ARHGAP15: variants seen among roughly 807,000 people sequenced by gnomAD.
ARHGAP15 encodes the protein Rho GTPase activating protein 15, also known as rho GTPase-activating protein 15.
ARHGAP15 carries 51 observed loss-of-function variants against 63.7 expected under a neutral mutation model. That is an observed-to-expected ratio of 0.80 (90% CI 0.64 to 1.01). The LOEUF (loss-of-function observed/expected upper bound fraction) is 1.01. ARHGAP15 is among the 50% of genes least tolerant of loss of function. The probability of loss-of-function intolerance (pLI) is 0.00; values close to 1 mark genes in which losing one functional copy is unlikely to be tolerated. For missense variants in ARHGAP15, 560 were observed against 564.6 expected (o/e 0.99, Z 0.08); for synonymous variants, 191 against 193.8 (o/e 0.99, Z 0.12).
At chr2:143,727,380 G>A (rs904304582) in intron 13 of ARHGAP15, among the ~76,000 whole-genome samples, 2 of 151,922 alleles carry the variant, frequency 1.3e-5, no homozygotes, top group African/African-American at 2.4e-5. Flanking sequence ...TACCTTATTC[G>A]GCCATATATC....
chr2:143,248,255 C>G (rs745440144), intron 5 of ARHGAP15, among the ~76,000 whole-genome samples: 2 of 152,044 alleles, frequency 1.3e-5, no homozygotes, highest in Non-Finnish European at 2.9e-5. Flanking sequence ...TAACTGGGAA[C>G]TGAAGGATAA....
chr2:143,371,812 G>GT lies in ARHGAP15; in HGVS notation c.475-63785dup, dbSNP rs538816573. 3.2e-4 allele frequency among the ~76,000 whole-genome samples: 49 copies of GT among 152,174 alleles called. No individual in the cohort carries two copies. The East Asian group carries it at 8.5e-3, about 26-fold the overall frequency. On this transcript the variant is annotated intron_variant, in intron 6 of 13. Transcript: ENST00000295095. ...CTTCTAGTACATAAGACTTCATTGA[G>GT]TTTTCAGTTTGTGCATTCCATTATC...
chr2:143,212,463 G>A (rs1692599368), intron 3 of ARHGAP15, among the ~76,000 whole-genome samples: 1 of 152,194 alleles, frequency 6.6e-6, no homozygotes, highest in Non-Finnish European at 1.5e-5. Context: ...GCCAGATTTA[G>A]CATCTAAAGA....
At chr2:143,671,141 T>G (rs573766378) in intron 12 of ARHGAP15, among the ~76,000 whole-genome samples, 195 of 152,364 alleles carry the variant, frequency 1.3e-3, no homozygotes, top group African/African-American at 4.5e-3. Flanking sequence ...TGAACAAGGT[T>G]CATGCAATAT....
chr2:143,156,049 C>CA lies in ARHGAP15; in HGVS notation c.165+405dup, dbSNP rs58706419. ...AATGAATTGAGAAAAAAAAAAATCTCAAAAAAAAAAATGTGAAAATCTCTT... is the reference window on the plus strand; with the variant it reads ...AATGAATTGAGAAAAAAAAAAATCTCAAAAAAAAAAAATGTGAAAATCTCTT... On this transcript the variant is annotated intron_variant, in intron 2 of 13. Coordinates refer to ENST00000295095, the MANE Select transcript of ARHGAP15 (RefSeq NM_018460.4). 3.4e-3 allele frequency among the ~76,000 whole-genome samples: 493 copies of CA among 144,976 alleles called. 2 individuals are homozygous for CA. Among genetic ancestry groups the CA allele is most frequent in the African/African-American group, 8.3e-3 (332 of 40,218 alleles).
chr2:143,273,838 A>G (rs1681416628), intron 6 of ARHGAP15, among the ~76,000 whole-genome samples: 1 of 152,130 alleles, frequency 6.6e-6, no homozygotes. Context: ...ATTTATTGCT[A>G]ATTTATTTCC....
intron 6 of ARHGAP15, among the ~76,000 whole-genome samples, chr2:143,378,214 A>G (rs922600842): frequency 3.3e-5 from 5 of 152,056 alleles, no homozygotes; most frequent in Non-Finnish European, 7.4e-5. Context: ...ATAAGGTCAT[A>G]AAGCACAATT....
intron 6 of ARHGAP15, among the ~76,000 whole-genome samples, chr2:143,424,830 G>T (rs1689076537): frequency 6.6e-6 from 1 of 152,026 alleles, no homozygotes; most frequent in Admixed American, 6.6e-5. Context: ...TAAGAGGAAG[G>T]GTCACTGCTA....
intron 6 of ARHGAP15, among the ~76,000 whole-genome samples, chr2:143,361,530 C>A (rs1485545883): frequency 1.3e-5 from 2 of 152,088 alleles, no homozygotes; most frequent in African/African-American, 4.8e-5. Context: ...TTCTGTGTTG[C>A]CATCTGTCAG....
intron 12 of ARHGAP15, among the ~76,000 whole-genome samples, chr2:143,692,991 G>A (rs1683678885): frequency 1.3e-5 from 2 of 152,184 alleles, no homozygotes; most frequent in South Asian, 4.1e-4. Context: ...AGGAAGAGGG[G>A]TCTACTTTGG....
chr2:143,323,145 T>C (rs1372373098), intron 6 of ARHGAP15, among the ~76,000 whole-genome samples: 1 of 152,222 alleles, frequency 6.6e-6, no homozygotes, highest in East Asian at 1.9e-4. Context: ...AAAATGTAGA[T>C]AAGCTACGTT....
chr2:143,169,935 C>T (rs146572223), intron 2 of ARHGAP15, among the ~76,000 whole-genome samples: 86 of 151,982 alleles, frequency 5.7e-4, no homozygotes, highest in African/African-American at 2.1e-3. Flanking sequence ...GTAAATTATC[C>T]CCTCAAGTAA....
At chr2:143,467,522 A>T (rs140008536) in intron 8 of ARHGAP15, among the ~76,000 whole-genome samples, 1 of 152,100 alleles carries the variant, frequency 6.6e-6, no homozygotes, top group African/African-American at 2.4e-5. Flanking sequence ...TAATGCATCA[A>T]TATAACCAAT....
At chr2:143,542,939 C>G (rs891045662) in intron 10 of ARHGAP15, among the ~76,000 whole-genome samples, 1 of 148,416 alleles carries the variant, frequency 6.7e-6, no homozygotes, top group African/African-American at 2.5e-5. Flanking sequence ...TTTTATCATT[C>G]AACCATTGAT....
At chr2:143,713,986 G>A (rs769974838) in intron 13 of ARHGAP15, among the ~76,000 whole-genome samples, 2 of 152,168 alleles carry the variant, frequency 1.3e-5, no homozygotes, top group Non-Finnish European at 2.9e-5. Context: ...CTGGGGTCTG[G>A]AGGATGGTGG....
intron 9 of ARHGAP15, among the ~76,000 whole-genome samples, chr2:143,490,319 T>C (rs1692532515): frequency 1.3e-5 from 2 of 152,078 alleles, no homozygotes; most frequent in Non-Finnish European, 2.9e-5. Flanking sequence ...ATTTTCAAAG[T>C]GTTTATTCTT....
At chr2:143,142,499 A>T (rs1003615806) in intron 1 of ARHGAP15, among the ~76,000 whole-genome samples, 4 of 152,096 alleles carry the variant, frequency 2.6e-5, no homozygotes, top group African/African-American at 9.7e-5. Flanking sequence ...CATTTTTTTA[A>T]AAAAAATCAT....
chr2:143,637,484 G>GACTT (rs1310180355), intron 12 of ARHGAP15, among the ~76,000 whole-genome samples: 1 of 151,932 alleles, frequency 6.6e-6, no homozygotes, highest in Non-Finnish European at 1.5e-5. Flanking sequence ...ATATTCAAAA[G>GACTT]ACTTATGTCA....
chr2:143,480,660 T>C (rs1374359965), intron 8 of ARHGAP15: 5 of 152,226 alleles, frequency 3.3e-5, no homozygotes, highest in Admixed American at 1.3e-4. Context: ...AAATTATGAC[T>C]TCTATTTACA....
Sources: allele counts gnomAD v4.1 joint callset (sites outside exome capture counted in the v4.1 genomes callset), GRCh38; gene constraint gnomAD v4.1.1; transcripts MANE v1.5; gene names NCBI Gene and HGNC (gene_info 2026-07-23, HGNC 2026-07-21).